Variants in ZSCAN23 observed in about 807,000 individuals in gnomAD.
The protein encoded by ZSCAN23 is zinc finger and SCAN domain-containing protein 23.
A neutral mutation model predicts 19.3 loss-of-function variants in ZSCAN23; 19 were observed. The observed-to-expected ratio is 0.99, with a 90% CI of 0.69 to 1.45. The LOEUF is 1.45. ZSCAN23 is among the 40% of genes most tolerant of loss of function. The pLI, the probability that ZSCAN23 is intolerant of heterozygous loss-of-function variation, is 0.00. For synonymous variants in ZSCAN23, 140 were observed against 166.2 expected, an observed-to-expected ratio of 0.84 and a Z score of 1.21; for missense variants, 372 against 462.5, an observed-to-expected ratio of 0.80 and a Z score of 1.79.
chr6:28,436,316 T>C lies in ZSCAN23; in HGVS notation c.-50A>G. The C allele has an allele frequency of 7.0e-6, 10 of 1,436,026 alleles. No homozygotes were observed. Among genetic ancestry groups the C allele is most frequent in the East Asian group, 2.5e-5 (1 of 39,648 alleles). The allele number at this position is 1,436,026 out of a possible 1,614,324, so 89.0% of individuals were successfully genotyped here. A position where few individuals can be genotyped will look rare whatever the true frequency, so the allele number is the denominator to read the frequency against. ...TAATCTATTCTTGATAATTCTCCCT[T>C]GATCTTTTCTTCTGGAAACCCCGAG... On this transcript the variant is annotated 5_prime_UTR_variant, in exon 2 of 4. Transcript: ENST00000289788.
In ZSCAN23 at chr6:28,433,116, A is replaced by C. The variant is rs1420509653; in HGVS notation, c.*1349T>G. The C allele has an allele frequency of 6.6e-6, 1 of 152,160 alleles. No homozygotes were observed. The highest frequency in any genetic ancestry group is 1.5e-5 in the Non-Finnish European group (1 of 67,986). 9.4% of individuals were successfully genotyped at this position (152,160 alleles called of 1,614,324 possible). ...ATGAGAAGAGTCTTTCCTGGACTCC[A>C]CTGTAAATTAAATAGAGGAGTTGTG... On this transcript the variant is annotated 3_prime_UTR_variant, in exon 4 of 4. Coordinates refer to ENST00000289788, the MANE Select transcript of ZSCAN23 (RefSeq NM_001012455.2).
intron 1 of ZSCAN23, among the ~76,000 whole-genome samples, chr6:28,440,867 G>A (rs1293766743): frequency 6.6e-6 from 1 of 151,988 alleles, no homozygotes; most frequent in Non-Finnish European, 1.5e-5. Context: ...TTTATCTGGT[G>A]GCCTTAATAC....
At chr6:28,425,278 G>A in the ZSCAN23 span, among the ~76,000 whole-genome samples, 1 of 152,150 alleles carries the variant, frequency 6.6e-6, no homozygotes, top group Admixed American at 6.6e-5. Flanking sequence ...AGGCTTTGTT[G>A]TTCCATTTCT....
intron 1 of ZSCAN23, among the ~76,000 whole-genome samples, chr6:28,443,189 A>G (rs1328704856): frequency 6.6e-6 from 1 of 152,174 alleles, no homozygotes; most frequent in Non-Finnish European, 1.5e-5. Context: ...GAACAGACAT[A>G]GGGTGGGGGA....
intron 1 of ZSCAN23, among the ~76,000 whole-genome samples, chr6:28,437,598 AAAAC>A (rs1356764714): frequency 6.6e-6 from 1 of 152,112 alleles, no homozygotes; most frequent in African/African-American, 2.4e-5. Flanking sequence ...AACAAAAACA[AAAAC>A]AAACAAACTT....
Position 28,435,125 on chromosome 6 carries a change from C to T in ZSCAN23, c.557-47G>A, listed in dbSNP as rs1356328813. ...AGATAACATGAAGTATGAAAAATAA[C>T]AGATTATCTTTCCAAAGACAAAAGA... On this transcript the variant is annotated intron_variant, in intron 3 of 3. Coordinates refer to ENST00000289788, the MANE Select transcript of ZSCAN23 (RefSeq NM_001012455.2). 2.7e-6 allele frequency: 4 copies of T among 1,468,442 alleles called. No homozygotes were observed. In the African/African-American group the frequency reaches 4.3e-5, roughly 16 times the overall value. 91.0% of individuals were successfully genotyped at this position (1,468,442 alleles called of 1,614,324 possible).
downstream of ZSCAN23, among the ~76,000 whole-genome samples, chr6:28,428,736 C>T (rs1436628452): frequency 6.6e-6 from 1 of 152,162 alleles, no homozygotes; most frequent in Non-Finnish European, 1.5e-5. Flanking sequence ...TGCTTAAATC[C>T]AGACAGAGCA....
In ZSCAN23 at chr6:28,434,533, T is replaced by G; in HGVS notation, c.1102A>C (p.Lys368Gln). Reference sequence around the variant, plus strand: ...AGGTTGCAATGGTAAATGAAGTTCTTGCCACATTCTTCACATTCATAAGGT... The same window carrying G: ...AGGTTGCAATGGTAAATGAAGTTCTGGCCACATTCTTCACATTCATAAGGT... Reference protein sequence around the residue: ...ERPYECEECGKNFIYHCNLIQ... With the variant: ...ERPYECEECGQNFIYHCNLIQ... The change falls in exon 4 of 4, where the codon AAG becomes CAG. Residue 368 changes from lysine (K) to glutamine (Q), a missense_variant. Physicochemically the swap from Lys to Gln is moderately conservative, Grantham distance 53. Coordinates refer to ENST00000289788, the MANE Select transcript of ZSCAN23 (RefSeq NM_001012455.2). The G allele has an allele frequency of 1.3e-6, 2 of 1,552,900 alleles. No individual in the cohort carries two copies. Among genetic ancestry groups the G allele is most frequent in the Non-Finnish European group, 1.7e-6 (2 of 1,147,606 alleles).
At chr6:28,430,174 G>C (rs2247002), downstream of ZSCAN23, among the ~76,000 whole-genome samples, 72,896 of 151,804 alleles carry the variant, frequency 0.48, 19,079 homozygotes, top group African/African-American at 0.7. Context: ...CCTAGGTCCC[G>C]GGTCCTCCAG....
intron 2 of ZSCAN23, 74 bp downstream of exon 2, chr6:28,435,785 C>G: frequency 6.8e-7 from 1 of 1,463,914 alleles, no homozygotes; most frequent in Non-Finnish European, 9.0e-7. Flanking sequence ...TCCTCCTCCT[C>G]TACCTTTTCT....
chr6:28,426,401 G>C, the ZSCAN23 span, among the ~76,000 whole-genome samples: 1 of 152,204 alleles, frequency 6.6e-6, no homozygotes, highest in Non-Finnish European at 1.5e-5. Flanking sequence ...AGGGAATAGG[G>C]AGGCCTGAGG....
Position 28,434,373 on chromosome 6 carries a change from G to A in ZSCAN23, c.*92C>T. 1 of 1,400,768 alleles carries A rather than the reference G, an allele frequency of 7.1e-7. No individual in the cohort carries two copies. Among genetic ancestry groups the A allele is most frequent in the East Asian group, 2.5e-5 (1 of 39,748 alleles). 86.8% of individuals were successfully genotyped at this position (1,400,768 alleles called of 1,614,324 possible). Reference sequence around the variant, plus strand: ...TGCTTCTCTCTGCATAAAAGTAAGGGAATTTTTACTGGCTTTCCCTTGAAC... The same window carrying A: ...TGCTTCTCTCTGCATAAAAGTAAGGAAATTTTTACTGGCTTTCCCTTGAAC... On this transcript the variant is annotated 3_prime_UTR_variant, in exon 4 of 4. Coordinates refer to ENST00000289788, the MANE Select transcript of ZSCAN23 (RefSeq NM_001012455.2).
downstream of ZSCAN23, among the ~76,000 whole-genome samples, chr6:28,430,416 T>C (rs1341121161): frequency 6.6e-6 from 1 of 152,166 alleles, no homozygotes. Flanking sequence ...TGGTATTATC[T>C]GTACCACACA....
intron 1 of ZSCAN23, among the ~76,000 whole-genome samples, chr6:28,438,456 G>A (rs543011830): frequency 6.6e-6 from 1 of 152,182 alleles, no homozygotes; most frequent in East Asian, 1.9e-4. Flanking sequence ...TAAGAATAGG[G>A]TATTTTATTA....
At chr6:28,435,155 A>C in intron 3 of ZSCAN23, 77 bp from the exon 4 acceptor site, 1 of 1,444,212 alleles carries the variant, frequency 6.9e-7, no homozygotes, top group Admixed American at 2.8e-5. Context: ...AAAAGAAAAA[A>C]AGTGGCCAGG....
At chr6:28,431,721 A>G (rs1761764414), downstream of ZSCAN23, among the ~76,000 whole-genome samples, 2 of 152,226 alleles carry the variant, frequency 1.3e-5, no homozygotes, top group African/African-American at 4.8e-5. Context: ...AAAGTAATAA[A>G]AAGTGTGAGG....
At chr6:28,427,592 C>T (rs913000998), downstream of ZSCAN23, among the ~76,000 whole-genome samples, 1 of 152,152 alleles carries the variant, frequency 6.6e-6, no homozygotes, top group Admixed American at 6.5e-5. Context: ...TATATCTAAA[C>T]ATATCTAAAC....
chr6:28,430,208 C>T (rs1761735258), downstream of ZSCAN23, among the ~76,000 whole-genome samples: 1 of 152,124 alleles, frequency 6.6e-6, no homozygotes, highest in Non-Finnish European at 1.5e-5. Context: ...AGGGTCTTTC[C>T]CTCTATCCTC....
the ZSCAN23 span, among the ~76,000 whole-genome samples, chr6:28,425,917 GT>G: frequency 6.6e-6 from 1 of 152,198 alleles, no homozygotes; most frequent in Non-Finnish European, 1.5e-5. Context: ...GCACTGTTAT[GT>G]TGTGGAGACA....
Sources: gnomAD v4.1 joint callset for allele counts (sites outside exome capture counted in the v4.1 genomes callset) on GRCh38, gnomAD v4.1.1 for gene constraint, MANE v1.5 for transcripts, NCBI Gene and HGNC (gene_info 2026-07-23, HGNC 2026-07-21) for gene names.